The following GNL3L variants were observed in gnomAD, a reference collection of about 807,000 sequenced individuals.
GNL3L encodes the protein guanine nucleotide-binding protein-like 3-like protein.
Under a neutral mutation model 42.9 loss-of-function variants are expected in GNL3L, and 4 were observed. The observed-to-expected ratio is 0.09, with a 90% CI of 0.05 to 0.21. The LOEUF (loss-of-function observed/expected upper bound fraction) is 0.21, where lower values mean the gene tolerates loss of function less well. GNL3L is among the 10% of genes least tolerant of loss of function. GNL3L has a pLI of 1.00. For synonymous variants in GNL3L, 159 were observed against 176.3 expected (o/e 0.90, Z 0.78); for missense variants, 412 against 481.7 (o/e 0.86, Z 1.36).
intron 16 of GNL3L, among the ~76,000 whole-genome samples, chrX:54,574,071 G>C (rs1925600389): frequency 9.0e-6 from 1 of 111,372 alleles, no homozygotes; most frequent in Non-Finnish European, 1.9e-5. Context: ...AGTTTGGCTG[G>C]ATCATATCAT....
At chrX:54,544,035 C>T (rs1483658358) in intron 7 of GNL3L, 188 bp from the exon 8 acceptor site, 3 of 376,187 alleles carry the variant, frequency 8.0e-6, no homozygotes, top group Admixed American at 9.8e-5. Flanking sequence ...GGAGGGCTAA[C>T]GCATCCCGTA....
downstream of GNL3L, among the ~76,000 whole-genome samples, chrX:54,571,771 G>A (rs1273530377): frequency 1.8e-5 from 2 of 108,658 alleles, no homozygotes; most frequent in African/African-American, 6.7e-5. Flanking sequence ...GGAGTTTATT[G>A]AACTTCTTGG....
In GNL3L at chrX:54,610,979, C is replaced by CT. The variant is rs370205288; in HGVS notation, c.*46-9857dup. On this transcript the variant is annotated intron_variant, in intron 16 of 16. Coordinates refer to the GNL3L transcript ENST00000674498. ...TGCTGTGAATCTGTCTGGTCTTGGA[C>CT]TTTTTTTTTGTTGGTAATTTTTAAA... Among the ~76,000 whole-genome samples, 6 of 109,666 alleles carry CT rather than the reference C, an allele frequency of 5.5e-5. No individual in the cohort carries two copies. The East Asian group carries it at 1.1e-3, about 21-fold the overall frequency.
rs189771249 is a variant in GNL3L at position 54,564,136 on chromosome X, A to T, written c.*3534A>T. On this transcript the variant is annotated 3_prime_UTR_variant, in exon 16 of 16. Transcript: ENST00000360845. ...ATAGTTTTGCTTTAGTATGACTGTC[A>T]TATCAATAGAATCATACAATGAGTA... is the stretch of plus-strand genomic sequence containing the variant. Among the ~76,000 whole-genome samples the T allele has an allele frequency of 9.0e-6, 1 of 111,053 alleles. No individual in the cohort carries two copies. Among genetic ancestry groups the T allele is most frequent in the East Asian group, 2.8e-4 (1 of 3,526 alleles).
intron 13 of GNL3L, 136 bp from the exon 14 acceptor site, chrX:54,554,427 CCT>C: frequency 2.1e-6 from 1 of 486,793 alleles, no homozygotes; most frequent in Non-Finnish European, 3.4e-6. Flanking sequence ...GGTGATGTGG[CCT>C]CTCAGCAGGA....
intron 8 of GNL3L, among the ~76,000 whole-genome samples, chrX:54,545,623 T>C (rs1301418604): frequency 8.9e-6 from 1 of 112,145 alleles, no homozygotes; most frequent in East Asian, 2.8e-4. Flanking sequence ...TGTAAAATAT[T>C]AATACAGAAA....
chrX:54,568,243 A>G (rs1376171879), downstream of GNL3L, among the ~76,000 whole-genome samples: 5 of 112,353 alleles, frequency 4.5e-5, no homozygotes, highest in Non-Finnish European at 9.4e-5. Flanking sequence ...CTGGGATTAC[A>G]GGCATGAGCC....
At chrX:54,582,886 A>G (rs1349617683) in intron 16 of GNL3L, among the ~76,000 whole-genome samples, 1 of 111,836 alleles carries the variant, frequency 8.9e-6, no homozygotes, top group Non-Finnish European at 1.9e-5. Context: ...CCTGGCCTCT[A>G]GTTTGCATTT....
chrX:54,596,535 T>C (rs927731152), intron 16 of GNL3L, among the ~76,000 whole-genome samples: 43 of 111,432 alleles, frequency 3.9e-4, no homozygotes, highest in African/African-American at 1.3e-3. Flanking sequence ...TCGCCCGAGG[T>C]TTACTGTAAA....
At chrX:54,634,645 A>AT in the GNL3L span, among the ~76,000 whole-genome samples, 53 of 93,148 alleles carry the variant, frequency 5.7e-4, no homozygotes, top group East Asian at 2.3e-3. Context: ...AGCCTGGCTA[A>AT]TTTTTTTTTT....
At chrX:54,601,508 A>G (rs1193165372) in intron 16 of GNL3L, among the ~76,000 whole-genome samples, 1 of 111,856 alleles carries the variant, frequency 8.9e-6, no homozygotes, top group African/African-American at 3.3e-5. Flanking sequence ...TATAATATCT[A>G]GGATTTTTAG....
At position 54,549,625 on chromosome X, in the gene GNL3L, GGA is replaced by G. The variant is rs745421256; in HGVS notation, c.775+1254_775+1255del. ...GAGGCAGGAGAATCGCTTAAATCTG[GGA>G]GGTGGAGGTTACAGTGAGTTGAGGT... On this transcript the variant is annotated intron_variant, in intron 9 of 15. Coordinates refer to ENST00000360845, the MANE Select transcript of GNL3L (RefSeq NM_001184819.2). Among the ~76,000 whole-genome samples, 146 of 112,669 alleles carry G rather than the reference GGA, an allele frequency of 1.3e-3. 2 individuals carry two copies. The highest frequency in any genetic ancestry group is 4.6e-3 in the African/African-American group (143 of 31,086).
At chrX:54,548,097 C>G in intron 8 of GNL3L, 132 bp from the exon 9 acceptor site, 1 of 487,448 alleles carries the variant, frequency 2.1e-6, no homozygotes, top group Admixed American at 3.4e-5. Context: ...TGTTCAAGAT[C>G]TGTGTGAGAA....
chrX:54,556,979 G>A (rs1364565311), intron 14 of GNL3L, among the ~76,000 whole-genome samples: 7 of 110,371 alleles, frequency 6.3e-5, no homozygotes, highest in Non-Finnish European at 1.1e-4. Context: ...TCAGGAGTTC[G>A]AGGCCAGCCT....
intron 16 of GNL3L, among the ~76,000 whole-genome samples, chrX:54,595,520 T>C (rs763210316): frequency 1.8e-5 from 2 of 111,626 alleles, no homozygotes; most frequent in Non-Finnish European, 3.8e-5. Context: ...GTTGTCTTTT[T>C]TAGGTTAAAT....
chrX:54,550,113 C>T (rs1181159351), intron 9 of GNL3L, among the ~76,000 whole-genome samples: 8 of 108,859 alleles, frequency 7.3e-5, no homozygotes, highest in Non-Finnish European at 1.5e-4. Flanking sequence ...GATACAGAGA[C>T]ACAGAGAGAA....
chrX:54,570,365 C>T (rs775880127), downstream of GNL3L, among the ~76,000 whole-genome samples: 3 of 112,032 alleles, frequency 2.7e-5, no homozygotes, highest in Non-Finnish European at 3.8e-5. Context: ...ATAGCTGCTG[C>T]AGCTTTTTTG....
intron 8 of GNL3L, among the ~76,000 whole-genome samples, chrX:54,547,241 C>G (rs1054447829): frequency 9.1e-6 from 1 of 110,219 alleles, no homozygotes; most frequent in Non-Finnish European, 1.9e-5. Context: ...AAGTGATCCG[C>G]CTGCCTTGGC....
intron 16 of GNL3L, among the ~76,000 whole-genome samples, chrX:54,608,840 A>G (rs1234195647): frequency 5.4e-5 from 6 of 111,871 alleles, no homozygotes; most frequent in Non-Finnish European, 1.1e-4. Context: ...TTTTTTGAAT[A>G]ATGACTTCTT....
Sources: gnomAD v4.1 joint callset for allele counts (sites outside exome capture counted in the v4.1 genomes callset) on GRCh38, gnomAD v4.1.1 for gene constraint, MANE v1.5 for transcripts, NCBI Gene and HGNC (gene_info 2026-07-23, HGNC 2026-07-21) for gene names.